PPEF1: variants seen among roughly 807,000 people sequenced by gnomAD.
PPEF1 encodes the protein protein phosphatase with EF-hand domain 1.
PPEF1 carries 12 observed loss-of-function variants against 53.3 expected under a neutral mutation model. The ratio of observed to expected loss-of-function variants is 0.23; its 90% CI spans 0.14 to 0.36. The LOEUF (loss-of-function observed/expected upper bound fraction) is 0.36. PPEF1 is among the 10% of genes least tolerant of loss of function. PPEF1 has a pLI of 1.00. For synonymous variants in PPEF1, 165 were observed against 176.7 expected, an observed-to-expected ratio of 0.93 and a Z score of 0.52; for missense variants, 334 against 490.4, an observed-to-expected ratio of 0.68 and a Z score of 3.01.
At chrX:18,780,018 C>A (rs1452888194) in intron 7 of PPEF1, among the ~76,000 whole-genome samples, 2 of 111,782 alleles carry the variant, frequency 1.8e-5, no homozygotes, top group African/African-American at 6.5e-5. Context: ...GGAAAAAAAT[C>A]CCAGGACTAT....
At chrX:18,741,585 C>T (rs1017169136) in intron 3 of PPEF1, among the ~76,000 whole-genome samples, 1 of 110,240 alleles carries the variant, frequency 9.1e-6, no homozygotes, top group Non-Finnish European at 1.9e-5. Context: ...GTAACTGGCA[C>T]CTGGAACAAG....
At chrX:18,715,208 G>A (rs1327969947) in intron 1 of PPEF1, among the ~76,000 whole-genome samples, 1 of 110,481 alleles carries the variant, frequency 9.1e-6, no homozygotes, top group Non-Finnish European at 1.9e-5. Flanking sequence ...CTCCAGCCAG[G>A]ACCACCACTG....
chrX:18,802,709 A>G (rs1347747097), intron 10 of PPEF1, among the ~76,000 whole-genome samples: 1 of 111,994 alleles, frequency 8.9e-6, no homozygotes, highest in African/African-American at 3.2e-5. Flanking sequence ...GTCTTTGAAC[A>G]TATTAAGACA....
chrX:18,812,316 T>G (rs2046828228), intron 12 of PPEF1, among the ~76,000 whole-genome samples: 2 of 112,227 alleles, frequency 1.8e-5, no homozygotes, highest in African/African-American at 6.5e-5. Context: ...GGCCTTTAAA[T>G]TGTATTCTAT....
chrX:18,688,960 C>T (rs184374026), intron 3 of PPEF1: 35 of 111,037 alleles, frequency 3.2e-4, no homozygotes, highest in African/African-American at 1.1e-3. Flanking sequence ...GACCAAAGTT[C>T]TTATTGTGCA....
intron 3 of PPEF1, among the ~76,000 whole-genome samples, chrX:18,734,128 T>TTTATTATTATTA (rs200557837): frequency 1.9e-5 from 2 of 106,126 alleles, no homozygotes; most frequent in African/African-American, 3.4e-5. Context: ...GGGAACCTTA[T>TTTATTATTATTA]TTATTATTAT....
upstream of PPEF1, among the ~76,000 whole-genome samples, chrX:18,706,818 CTTTTTTTTTTT>C (rs767459911): frequency 1.7e-4 from 8 of 46,319 alleles, no homozygotes; most frequent in African/African-American, 3.2e-4. Flanking sequence ...TTCAAACCTC[CTTTTTTTTTTT>C]TTTTTTTTTT....
chrX:18,749,757 AC>A (rs780082614), intron 3 of PPEF1, 34 bp from the exon 4 acceptor site: 3 of 81,194 alleles, frequency 3.7e-5, no homozygotes, highest in South Asian at 1.6e-4. Context: ...TCCCACCCCC[AC>A]CCCCACCCCC....
At chrX:18,709,495 G>GT (rs1157516847) in intron 1 of PPEF1, among the ~76,000 whole-genome samples, 10 of 65,540 alleles carry the variant, frequency 1.5e-4, no homozygotes, top group Admixed American at 4.7e-4. Context: ...TTTCAGCTTT[G>GT]TTTTTTGTTT....
intron 4 of PPEF1, among the ~76,000 whole-genome samples, chrX:18,696,487 T>C (rs769645429): frequency 1.8e-5 from 2 of 111,085 alleles, no homozygotes; most frequent in Admixed American, 9.6e-5. Context: ...CCCCTCACAG[T>C]AAGTTTCGTG....
In PPEF1 at chrX:18,692,760, A is replaced by T. The variant is rs761402585; in HGVS notation, c.-313+1666A>T. ...TCAGCTTACCCTCAGGCTCCCCTTGACTTAAACAGAGTTTGCAATCTGGCA... is the reference window on the plus strand; with the variant it reads ...TCAGCTTACCCTCAGGCTCCCCTTGTCTTAAACAGAGTTTGCAATCTGGCA... On this transcript the variant is annotated intron_variant, in intron 4 of 21. Coordinates refer to the PPEF1 transcript ENST00000361511. 4.6e-4 allele frequency among the ~76,000 whole-genome samples: 51 copies of T among 111,784 alleles called. 1 individual carries two copies. The highest frequency in any genetic ancestry group is 8.8e-4 in the Non-Finnish European group (47 of 53,193).
chrX:18,689,320 A>G (rs960828830), intron 3 of PPEF1, among the ~76,000 whole-genome samples: 14 of 108,047 alleles, frequency 1.3e-4, no homozygotes, highest in Admixed American at 4.9e-4. Flanking sequence ...CCATCTCTGT[A>G]AAAAATAAAA....
intron 6 of PPEF1, among the ~76,000 whole-genome samples, chrX:18,769,681 A>G (rs1029904598): frequency 1.8e-5 from 2 of 111,726 alleles, no homozygotes; most frequent in East Asian, 5.6e-4. Context: ...CTGTCAAGGT[A>G]GTCAAACATT....
At chrX:18,679,641 C>G (rs934344307), upstream of PPEF1, among the ~76,000 whole-genome samples, 1 of 111,504 alleles carries the variant, frequency 9.0e-6, no homozygotes, top group African/African-American at 3.3e-5. Flanking sequence ...CCCTTTCCCC[C>G]CTACAGACTA....
At chrX:18,682,534 T>A (rs1426859311), upstream of PPEF1, among the ~76,000 whole-genome samples, 1 of 111,458 alleles carries the variant, frequency 9.0e-6, no homozygotes, top group African/African-American at 3.3e-5. Context: ...CACCAAGGGA[T>A]CCCAGCTGAG....
At chrX:18,711,048 G>A (rs2044312918) in intron 1 of PPEF1, among the ~76,000 whole-genome samples, 1 of 98,902 alleles carries the variant, frequency 1.0e-5, no homozygotes, top group African/African-American at 3.8e-5. Context: ...ATATATGTAT[G>A]TATGTGTGTG....
chrX:18,818,473 C>A (rs1295327543), intron 13 of PPEF1, among the ~76,000 whole-genome samples: 1 of 107,774 alleles, frequency 9.3e-6, no homozygotes, highest in East Asian at 2.9e-4. Flanking sequence ...TGGGTTTAAG[C>A]AATTCTCCTG....
intron 14 of PPEF1, among the ~76,000 whole-genome samples, chrX:18,825,512 T>G (rs1315036065): frequency 8.9e-6 from 1 of 112,185 alleles, no homozygotes; most frequent in East Asian, 2.8e-4. Context: ...CCACATAAAG[T>G]TCTCTGTAAA....
At chrX:18,815,130 G>T (rs968270004) in intron 12 of PPEF1, among the ~76,000 whole-genome samples, 1 of 111,619 alleles carries the variant, frequency 9.0e-6, no homozygotes, top group African/African-American at 3.3e-5. Context: ...TATTTGTCCT[G>T]TGTTAATATG....
Sources: gnomAD v4.1 joint callset for allele counts (sites outside exome capture counted in the v4.1 genomes callset) on GRCh38, gnomAD v4.1.1 for gene constraint, MANE v1.5 for transcripts, NCBI Gene and HGNC (gene_info 2026-07-23, HGNC 2026-07-21) for gene names.